The following KDM6B variants were observed in gnomAD, a reference collection of about 807,000 sequenced individuals.
The protein encoded by KDM6B is lysine demethylase 6B.
A neutral mutation model predicts 150.4 loss-of-function variants in KDM6B; 22 were observed. The observed-to-expected ratio is 0.15, with a 90% CI of 0.10 to 0.21. The LOEUF (loss-of-function observed/expected upper bound fraction) is 0.21. KDM6B is among the 10% of genes least tolerant of loss of function. The probability of loss-of-function intolerance (pLI) is 1.00; values close to 1 mark genes in which losing one functional copy is unlikely to be tolerated. For synonymous variants in KDM6B, 1,148 were observed against 921.1 expected, an observed-to-expected ratio of 1.25 and a Z score of -4.46; for missense variants, 1,984 against 2,234.3, an observed-to-expected ratio of 0.89 and a Z score of 2.26.
chr17:7,850,236 C>T (rs571717701), intron 14 of KDM6B, 59 bp downstream of exon 14: 91 of 1,385,990 alleles, frequency 6.6e-5, no homozygotes, highest in Non-Finnish European at 8.0e-5. Context: ...GCATGTAGGA[C>T]CCTCTGAGAA....
At position 7,846,830 on chromosome 17, in the gene KDM6B, C is replaced by G. The variant is rs778899871; in HGVS notation, c.723C>G (p.Pro241=). ...CTCTTCTCTCCTAGACTGGCCTTCC[C>G]CCAGGGCTGCCACTGCCTCCACCAC... is the stretch of plus-strand genomic sequence containing the variant. The part of the protein sequence containing the change: ...RGCNSEQTGL[P]PGLPLPPPPL... Residue 241 remains proline, a synonymous_variant, in exon 10 of 24, where the codon CCC becomes CCG. Transcript: ENST00000448097. The G allele has an allele frequency of 1.9e-6, 3 of 1,611,782 alleles. No homozygotes were observed. Among genetic ancestry groups the G allele is most frequent in the East Asian group, 2.2e-5 (1 of 44,810 alleles).
chr17:7,851,338 G>A lies in KDM6B; in HGVS notation c.3888G>A (p.Lys1296=), dbSNP rs772785125. ...ACCCTCTGGCTGAACAGGAGGAGAA[G>A]GAGAGTGAGGATGAGGAGTCAGAGG... is the stretch of plus-strand genomic sequence containing the variant. ...SSFQESLQEE[K]ESEDEESEEP... Residue 1296 remains lysine (K), a synonymous_variant, in exon 16 of 24, where the codon AAG becomes AAA. Transcript: ENST00000448097. 27 of 1,613,998 alleles carry A rather than the reference G, an allele frequency of 1.7e-5. No individual in the cohort carries two copies. Among genetic ancestry groups the A allele is most frequent in the African/African-American group, 6.7e-5 (5 of 74,922 alleles).
In KDM6B at chr17:7,844,207, G is replaced by A. The variant is rs1165789640; in HGVS notation, c.-268-694G>A. ...GGCCCCGGCGGGGAAGGGCAGAGAG[G>A]ATACGCGAGCCACGAGAGAGGGGCC... On this transcript the variant is annotated intron_variant, in intron 2 of 23. Coordinates refer to ENST00000448097, the MANE Select transcript of KDM6B (RefSeq NM_001348716.2). This position sits in a 1 kb window ranked among gnomAD's most constrained non-coding sequence, Gnocchi z 5.9. 1 of 152,206 alleles carries A rather than the reference G, an allele frequency of 6.6e-6. No homozygotes were observed. Among genetic ancestry groups the A allele is most frequent in the African/African-American group, 2.4e-5 (1 of 41,448 alleles). 9.4% of individuals were successfully genotyped at this position (152,206 alleles called of 1,614,324 possible).
rs115429168 is a variant in KDM6B at position 7,841,527 on chromosome 17, G to A, written c.-269+1503G>A. On this transcript the variant is annotated intron_variant, in intron 2 of 23. Transcript: ENST00000448097. ...AGACCCAGACAAAAGACCGAGACAG[G>A]AGCTAGGCAGACACACAGACAGAGA... is the stretch of plus-strand genomic sequence containing the variant. Among the ~76,000 whole-genome samples, 807 of 152,350 alleles carry A rather than the reference G, an allele frequency of 5.3e-3. 11 individuals are homozygous for A. Among genetic ancestry groups the A allele is most frequent in the African/African-American group, 0.018 (769 of 41,574 alleles).
intron 1 of KDM6B, among the ~76,000 whole-genome samples, chr17:7,838,902 C>A (rs752633665): frequency 1.3e-5 from 2 of 152,062 alleles, no homozygotes; most frequent in African/African-American, 4.8e-5. Context: ...CAAATAGCAC[C>A]TCCCTGGGGG....
chr17:7,834,988 T>G (rs1258601622), intron 1 of KDM6B, among the ~76,000 whole-genome samples: 1 of 152,046 alleles, frequency 6.6e-6, no homozygotes, highest in East Asian at 1.9e-4. Context: ...GGCTTCTCGG[T>G]GCGGAGCCTT....
At chr17:7,841,749 C>T (rs945741064) in intron 2 of KDM6B, among the ~76,000 whole-genome samples, 8 of 152,184 alleles carry the variant, frequency 5.3e-5, no homozygotes, top group African/African-American at 9.7e-5. Flanking sequence ...TGACACATAG[C>T]GGGCCGGGGC....
Position 7,848,027 on chromosome 17 carries a change from G to A in KDM6B, c.1739G>A (p.Ser580Asn). Reference sequence around the variant, plus strand: ...CCCCCACCACCCTATCTGGCCAGAAGTATAGACCCCCTTCCCCGGCCTCCC... The same window carrying A: ...CCCCCACCACCCTATCTGGCCAGAAATATAGACCCCCTTCCCCGGCCTCCC... ...SFPPPPYLAR[S>N]IDPLPRPPSP... The change falls in exon 12 of 24, where the codon AGT becomes AAT. Residue 580 changes from serine (S) to asparagine (N), a missense_variant. This residue lies in a region of KDM6B where 1,379 missense variants were observed against 1,275.6 expected (regional missense o/e 1.08). Transcript: ENST00000448097. 1 of 1,610,748 alleles carries A rather than the reference G, an allele frequency of 6.2e-7. No homozygotes were observed. Among genetic ancestry groups the A allele is most frequent in the South Asian group, 1.1e-5 (1 of 90,966 alleles).
rs768041138 is a variant in KDM6B, at chr17:7,847,667, C to A, written c.1379C>A (p.Ser460Tyr). The A allele has an allele frequency of 4.4e-5, 70 of 1,606,748 alleles. No homozygotes were observed. Among genetic ancestry groups the A allele is most frequent in the Non-Finnish European group, 5.9e-5 (70 of 1,177,080 alleles). Residue 460 changes from serine to tyrosine, a missense_variant, in exon 12 of 24, where the codon TCC becomes TAC. Physicochemically the swap from Ser to Tyr is moderately radical, Grantham distance 144. Transcript: ENST00000448097. The part of the protein sequence containing the change: ...LGAPAATPHL[S>Y]LPPGPSSPPP... ...GCTCCCGCTGCCACTCCCCACCTAT[C>A]CCTGCCACCTGGACCTTCCTCACCC...
chr17:7,840,002 CAG>C lies in KDM6B; in HGVS notation c.-290_-289del, dbSNP rs1223526141. The C allele has an allele frequency of 6.6e-6, 1 of 152,618 alleles. No homozygotes were observed. Among genetic ancestry groups the C allele is most frequent in the Non-Finnish European group, 1.5e-5 (1 of 68,064 alleles). The allele number at this position is 152,618 out of a possible 1,614,324, so 9.5% of individuals were successfully genotyped here. On this transcript the variant is annotated 5_prime_UTR_variant, in exon 2 of 24. It removes the in-frame stop codon of an upstream open reading frame in the 5' UTR. Coordinates refer to ENST00000448097, the MANE Select transcript of KDM6B (RefSeq NM_001348716.2). ...TGCTGGGGTGGTGGTTCCAATGAGA[CAG>C]GGCACACCAAACTCCATCTGGTAAG...
At chr17:7,838,620 G>T (rs547275350) in intron 1 of KDM6B, among the ~76,000 whole-genome samples, 19 of 123,648 alleles carry the variant, frequency 1.5e-4, no homozygotes, top group Non-Finnish European at 3.0e-4. Flanking sequence ...GACCCCCTAG[G>T]CTTCCCCCTC....
intron 14 of KDM6B, 103 bp downstream of exon 14, chr17:7,850,280 G>C: frequency 4.4e-6 from 4 of 917,872 alleles, no homozygotes; most frequent in Non-Finnish European, 6.8e-6. Flanking sequence ...CAGTGGCCGT[G>C]AGGAGTCCAC....
At position 7,850,115 on chromosome 17, in the gene KDM6B, T is replaced by G. The variant is rs1255337528; in HGVS notation, c.3611T>G (p.Phe1204Cys). The change falls in exon 14 of 24, where the codon TTC (phenylalanine) becomes TGC (cysteine). Residue 1204 changes from phenylalanine to cysteine, a missense_variant. Phe to Cys is a radical substitution (Grantham distance 205, BLOSUM62 -2). Around this residue, in one of 13 missense-constraint regions of KDM6B, gnomAD observed 15 missense variants for 48.7 expected, o/e 0.31. Transcript: ENST00000448097. ...RDAFSPVLLQ[F>C]CTDPRNPITV... is the part of the protein sequence containing the mutation. ...GCCTTCTCACCTGTCCTGCTGCAGT[T>G]CTGTACAGACCCTCGAAATCCCATC... 6.2e-7 allele frequency: 1 copy of G among 1,613,762 alleles called. No homozygotes were observed. Among genetic ancestry groups the G allele is most frequent in the Non-Finnish European group, 8.5e-7 (1 of 1,180,024 alleles).
At chr17:7,850,242 G>A in intron 14 of KDM6B, 65 bp downstream of exon 14, 1 of 1,318,036 alleles carries the variant, frequency 7.6e-7, no homozygotes, top group Non-Finnish European at 1.1e-6. Flanking sequence ...AGGACCCTCT[G>A]AGAAATCCCA....
chr17:7,852,692 T>G, intron 21 of KDM6B, 56 bp downstream of exon 21: 1 of 1,608,226 alleles, frequency 6.2e-7, no homozygotes, highest in Non-Finnish European at 8.5e-7. Context: ...CTTTTCTTGT[T>G]CTTCCTGTCT....
rs1188559482 is a variant in KDM6B at position 7,854,029 on chromosome 17, C to T, written c.*508C>T. Reference sequence around the variant, plus strand: ...ACCCCTGTACATGTCTCTTTATTCACTTGGTTATGATTTGTATTTTTTGTT... The same window carrying T: ...ACCCCTGTACATGTCTCTTTATTCATTTGGTTATGATTTGTATTTTTTGTT... On this transcript the variant is annotated 3_prime_UTR_variant, in exon 24 of 24. Coordinates refer to ENST00000448097, the MANE Select transcript of KDM6B (RefSeq NM_001348716.2). The T allele has an allele frequency of 6.5e-6, 1 of 153,052 alleles. No individual in the cohort carries two copies. Among genetic ancestry groups the T allele is most frequent in the Non-Finnish European group, 1.5e-5 (1 of 68,420 alleles). 9.5% of individuals were successfully genotyped at this position (153,052 alleles called of 1,614,324 possible). A position where few individuals can be genotyped will look rare whatever the true frequency, so the allele number is the denominator to read the frequency against.
At position 7,845,601 on chromosome 17, in the gene KDM6B, C is replaced by T; in HGVS notation, c.47C>T (p.Ala16Val). 6.2e-7 allele frequency: 1 copy of T among 1,614,184 alleles called. No individual in the cohort carries two copies. Reference sequence around the variant, plus strand: ...CCAGGGGCCCGCGCTGCACGGGAAGCCTTTGCCCTTGGGGGCCTGAGCTGT... The same window carrying T: ...CCAGGGGCCCGCGCTGCACGGGAAGTCTTTGCCCTTGGGGGCCTGAGCTGT... ...DPPGARAARE[A>V]FALGGLSCAG... The change falls in exon 5 of 24, where the codon GCC becomes GTC. Residue 16 changes from alanine to valine, a missense_variant. Physicochemically the swap from Ala to Val is moderately conservative, Grantham distance 64. Transcript: ENST00000448097.
Position 7,853,841 on chromosome 17 carries a change from T to A in KDM6B, c.*320T>A, listed in dbSNP as rs1863767614. The stretch of plus-strand genomic sequence containing the variant: ...GGCTCCGGCGGCGGCGGGGGTCACA[T>A]ACGGGTTCCCTCACCCTGCCAGCCG... On this transcript the variant is annotated 3_prime_UTR_variant, in exon 24 of 24. Coordinates refer to ENST00000448097, the MANE Select transcript of KDM6B (RefSeq NM_001348716.2). 5.2e-6 allele frequency: 1 copy of A among 191,400 alleles called. No homozygotes were observed. Among genetic ancestry groups the A allele is most frequent in the Non-Finnish European group, 1.1e-5 (1 of 95,062 alleles). 11.9% of individuals were successfully genotyped at this position (191,400 alleles called of 1,614,324 possible).
chr17:7,854,747 G>A lies in KDM6B; in HGVS notation c.*1226G>A. On this transcript the variant is annotated 3_prime_UTR_variant, in exon 24 of 24. Coordinates refer to ENST00000448097, the MANE Select transcript of KDM6B (RefSeq NM_001348716.2). ...CTTCCCAACCCTACCCCTATTTTCGGTGATTTTTGTGTGAGAATATTAATA... is the reference window on the plus strand; with the variant it reads ...CTTCCCAACCCTACCCCTATTTTCGATGATTTTTGTGTGAGAATATTAATA... The A allele has an allele frequency of 3.4e-6, 1 of 290,650 alleles. No individual in the cohort carries two copies. 18.0% of individuals were successfully genotyped at this position (290,650 alleles called of 1,614,324 possible). A position where few individuals can be genotyped will look rare whatever the true frequency, so the allele number is the denominator to read the frequency against.
Sources: allele counts gnomAD v4.1 joint callset (sites outside exome capture counted in the v4.1 genomes callset), GRCh38; gene constraint gnomAD v4.1.1; regional missense constraint gnomAD v4.1.1; non-coding constraint Gnocchi (gnomAD v3.1); transcripts MANE v1.5; gene names NCBI Gene and HGNC (gene_info 2026-07-23, HGNC 2026-07-21).